RBFOX2: variants seen among roughly 807,000 people sequenced by gnomAD.
RBFOX2 encodes RNA binding protein fox-1 homolog 2.
Under a neutral mutation model 49.1 loss-of-function variants are expected in RBFOX2, and 10 were observed. That is an observed-to-expected ratio of 0.20 (90% CI 0.13 to 0.35). The LOEUF (loss-of-function observed/expected upper bound fraction) is 0.35. Among genes scored for constraint, RBFOX2 ranks in the 10% least tolerant of loss-of-function variants. The probability of loss-of-function intolerance (pLI) is 1.00; values close to 1 mark genes in which losing one functional copy is unlikely to be tolerated. For synonymous variants in RBFOX2, 183 were observed against 187.4 expected (o/e 0.98, Z 0.19); for missense variants, 323 against 486.9 (o/e 0.66, Z 3.17).
chr22:35,788,451 G>C (rs1299472720), intron 2 of RBFOX2, among the ~76,000 whole-genome samples: 1 of 151,766 alleles, frequency 6.6e-6, no homozygotes, highest in Non-Finnish European at 1.5e-5. Flanking sequence ...GAGGCTAACA[G>C]AGAAAAAAAG....
At chr22:35,775,857 AAAAAGAAAAG>A (rs1191374091) in intron 4 of RBFOX2, among the ~76,000 whole-genome samples, 11 of 150,470 alleles carry the variant, frequency 7.3e-5, no homozygotes, top group South Asian at 2.1e-4. Context: ...AAAAAAAAAA[AAAAAGAAAAG>A]AAAAGAAAAG....
intron 1 of RBFOX2, among the ~76,000 whole-genome samples, chr22:35,893,818 A>C (rs1168996196): frequency 1.3e-5 from 2 of 152,154 alleles, no homozygotes; most frequent in African/African-American, 4.8e-5. Context: ...GTGTTAGCCA[A>C]GTAGGTTCCT....
chr22:35,902,761 C>T (rs1259561501), intron 1 of RBFOX2, among the ~76,000 whole-genome samples: 1 of 151,504 alleles, frequency 6.6e-6, no homozygotes, highest in Non-Finnish European at 1.5e-5. Context: ...TCTCCCACCT[C>T]AGCCTCCCAA....
chr22:35,877,989 GAA>G (rs760862955), intron 1 of RBFOX2, among the ~76,000 whole-genome samples: 4 of 150,918 alleles, frequency 2.7e-5, no homozygotes, highest in African/African-American at 9.8e-5. Context: ...AGACAGGTGG[GAA>G]AAAAAGTTTT....
At chr22:35,783,889 C>T (rs774492503) in intron 2 of RBFOX2, among the ~76,000 whole-genome samples, 4 of 152,212 alleles carry the variant, frequency 2.6e-5, no homozygotes, top group Non-Finnish European at 5.9e-5. Context: ...CACACCAATT[C>T]CAAAGGAAGA....
exon 12 of RBFOX2, chr22:35,743,341 TA>T (rs535966088): frequency 1.4e-4 from 21 of 152,230 alleles, no homozygotes; most frequent in Admixed American, 3.3e-4. Flanking sequence ...AGGGTGTTAA[TA>T]AAAGAATACA....
At chr22:35,890,813 A>G (rs1020366147) in intron 1 of RBFOX2, among the ~76,000 whole-genome samples, 1 of 151,650 alleles carries the variant, frequency 6.6e-6, no homozygotes, top group South Asian at 2.1e-4. Context: ...AAAATGAAAC[A>G]AAAAAAAATC....
intron 1 of RBFOX2, among the ~76,000 whole-genome samples, chr22:35,879,735 GATT>G (rs1461533401): frequency 2.6e-5 from 4 of 152,208 alleles, no homozygotes; most frequent in Non-Finnish European, 5.9e-5. Context: ...ATTTTCAAAG[GATT>G]ATGTCAGATG....
chr22:35,967,677 T>C (rs1005163297), intron 1 of RBFOX2, among the ~76,000 whole-genome samples: 4 of 152,188 alleles, frequency 2.6e-5, no homozygotes, highest in Admixed American at 2.0e-4. Flanking sequence ...AATTTTGACA[T>C]TGGAGCCCAA....
At chr22:35,956,848 T>C (rs2055617250) in intron 1 of RBFOX2, among the ~76,000 whole-genome samples, 1 of 152,212 alleles carries the variant, frequency 6.6e-6, no homozygotes, top group Non-Finnish European at 1.5e-5. Context: ...CCAAAGAGAT[T>C]ATTTAAAAGA....
At chr22:35,810,882 T>C (rs1355934264) in intron 1 of RBFOX2, among the ~76,000 whole-genome samples, 2 of 152,178 alleles carry the variant, frequency 1.3e-5, no homozygotes, top group African/African-American at 2.4e-5. Flanking sequence ...TATATTACTT[T>C]TGTAATAAAA....
chr22:35,812,979 T>C (rs1348742433), intron 1 of RBFOX2, among the ~76,000 whole-genome samples: 1 of 152,188 alleles, frequency 6.6e-6, no homozygotes, highest in Non-Finnish European at 1.5e-5. Context: ...AATCCACTTG[T>C]AGCCTAGGCA....
At chr22:35,871,493 TG>T (rs1171168263) in intron 1 of RBFOX2, among the ~76,000 whole-genome samples, 1 of 152,178 alleles carries the variant, frequency 6.6e-6, no homozygotes, top group Non-Finnish European at 1.5e-5. Context: ...AGGTAGAAAC[TG>T]GGAAAAGACT....
chr22:35,959,321 C>G (rs1315900772), intron 1 of RBFOX2, among the ~76,000 whole-genome samples: 1 of 152,168 alleles, frequency 6.6e-6, no homozygotes, highest in Non-Finnish European at 1.5e-5. Context: ...TATAACTGTT[C>G]TTTCTGTTAC....
At chr22:35,851,729 G>A (rs1473808442) in intron 1 of RBFOX2, among the ~76,000 whole-genome samples, 1 of 151,700 alleles carries the variant, frequency 6.6e-6, no homozygotes, top group African/African-American at 2.4e-5. Context: ...TTGGGAGGCT[G>A]AGGCAGGAGA....
At chr22:36,006,848 A>G (rs1283600105) in intron 1 of RBFOX2, among the ~76,000 whole-genome samples, 1 of 152,140 alleles carries the variant, frequency 6.6e-6, no homozygotes, top group Non-Finnish European at 1.5e-5. Context: ...GAATCCCTCA[A>G]TTCCTCCATT....
In RBFOX2 at chr22:36,024,933, T is replaced by G. The variant is rs2059375277; in HGVS notation, c.186+3307A>C. Among the ~76,000 whole-genome samples the G allele has an allele frequency of 2.6e-5, 4 of 151,524 alleles. No homozygotes were observed. The South Asian group carries it at 6.3e-4, about 24-fold the overall frequency. ...AGTGATTCTCCTGCCTCAGCCTCCCTAGTAGCTGGGATTACAGGCGCCTGC... is the reference window on the plus strand; with the variant it reads ...AGTGATTCTCCTGCCTCAGCCTCCCGAGTAGCTGGGATTACAGGCGCCTGC... On this transcript the variant is annotated intron_variant, in intron 1 of 13. Coordinates refer to the RBFOX2 transcript ENST00000438146.
intron 1 of RBFOX2, among the ~76,000 whole-genome samples, chr22:35,945,460 G>A (rs1357216066): frequency 6.6e-6 from 1 of 151,656 alleles, no homozygotes; most frequent in East Asian, 2.0e-4. Flanking sequence ...TTTTTTTTGA[G>A]GGTCTCACAC....
At chr22:35,868,603 T>A (rs1024313938) in intron 1 of RBFOX2, among the ~76,000 whole-genome samples, 6 of 151,584 alleles carry the variant, frequency 4.0e-5, no homozygotes, top group Non-Finnish European at 1.5e-5. Context: ...AAAAAAAAAA[T>A]TAAAAACTAG....
Sources: allele counts gnomAD v4.1 joint callset (sites outside exome capture counted in the v4.1 genomes callset), GRCh38; gene constraint gnomAD v4.1.1; transcripts MANE v1.5; gene names NCBI Gene and HGNC (gene_info 2026-07-23, HGNC 2026-07-21).